Variants in POLA1 observed in about 807,000 individuals in gnomAD.
POLA1 encodes DNA polymerase alpha catalytic subunit.
In POLA1, 15 loss-of-function variants were observed where a neutral mutation model predicts 124.0. The ratio of observed to expected loss-of-function variants is 0.12; its 90% CI spans 0.08 to 0.19. The LOEUF is 0.19. POLA1 is among the 10% of genes least tolerant of loss of function. The pLI is 1.00. For synonymous variants in POLA1, 408 were observed against 389.4 expected (o/e 1.05, Z -0.56); for missense variants, 886 against 1,103.4 (o/e 0.80, Z 2.79).
intron 31 of POLA1, 45 bp from the exon 32 acceptor site, chrX:24,826,382 C>G: frequency 9.8e-7 from 1 of 1,022,038 alleles, no homozygotes; most frequent in Non-Finnish European, 1.3e-6. Flanking sequence ...CACAACTTTA[C>G]CTGTGTCTTC....
At chrX:24,777,640 A>C (rs1392314894) in intron 26 of POLA1, among the ~76,000 whole-genome samples, 1 of 112,363 alleles carries the variant, frequency 8.9e-6, no homozygotes, top group African/African-American at 3.2e-5. Flanking sequence ...TAAGAAGTAG[A>C]TATTTGCCTT....
intron 35 of POLA1, among the ~76,000 whole-genome samples, chrX:24,908,220 T>C (rs752486110): frequency 9.0e-6 from 1 of 111,326 alleles, no homozygotes; most frequent in South Asian, 3.9e-4. Flanking sequence ...TTTATTTTTA[T>C]TTTTTATTAT....
chrX:24,781,473 A>AGCAG lies in POLA1; in HGVS notation c.2965-28424_2965-28421dup, dbSNP rs11573399. On this transcript the variant is annotated intron_variant, in intron 26 of 36. Coordinates refer to ENST00000379068, the MANE Select transcript of POLA1 (RefSeq NM_001330360.2). Reference sequence around the variant, plus strand: ...GTGAAAGTGTGGAACTGGATAATTGAGCAGCACTGTTTATTCATTGTTGCC... The same window carrying AGCAG: ...GTGAAAGTGTGGAACTGGATAATTGAGCAGGCAGCACTGTTTATTCATTGTTGCC... Among the ~76,000 whole-genome samples, 339 of 112,022 alleles carry AGCAG rather than the reference A, an allele frequency of 3.0e-3. 1 individual carries two copies. The highest frequency in any genetic ancestry group is 0.01 in the African/African-American group (322 of 30,845).
intron 23 of POLA1, among the ~76,000 whole-genome samples, chrX:24,744,948 C>A: frequency 1.2e-5 from 1 of 82,392 alleles, no homozygotes; most frequent in East Asian, 3.7e-4. Flanking sequence ...GAGACTCTGA[C>A]TCAAAAAAAA....
intron 4 of POLA1, among the ~76,000 whole-genome samples, chrX:24,711,845 G>A (rs1242333222): frequency 9.9e-5 from 11 of 111,650 alleles, no homozygotes; most frequent in South Asian, 3.7e-4. Context: ...TGATCCACCC[G>A]CCTTGGCCTC....
intron 26 of POLA1, among the ~76,000 whole-genome samples, chrX:24,768,231 A>G (rs1602357482): frequency 1.8e-5 from 2 of 112,270 alleles, no homozygotes; most frequent in Non-Finnish European, 3.8e-5. Context: ...TTCCTTTTAT[A>G]TTTCCTCAGT....
intron 34 of POLA1, among the ~76,000 whole-genome samples, chrX:24,856,905 A>G (rs915800313): frequency 1.9e-5 from 2 of 108,061 alleles, no homozygotes; most frequent in Admixed American, 2.0e-4. Flanking sequence ...CCTTTGTTGG[A>G]TATGTGATTT....
At chrX:24,711,285 C>G (rs993041718) in intron 4 of POLA1, among the ~76,000 whole-genome samples, 1 of 112,569 alleles carries the variant, frequency 8.9e-6, no homozygotes, top group Non-Finnish European at 1.9e-5. Flanking sequence ...TGCCCGGCCC[C>G]TTTTCTTTCT....
At chrX:24,729,293 G>A (rs1205904544) in intron 15 of POLA1, among the ~76,000 whole-genome samples, 1 of 111,264 alleles carries the variant, frequency 9.0e-6, no homozygotes, top group African/African-American at 3.3e-5. Context: ...AGTAGCATCC[G>A]TCCCCTCTAG....
At chrX:24,882,272 T>C (rs1272583803) in intron 34 of POLA1, among the ~76,000 whole-genome samples, 1 of 112,234 alleles carries the variant, frequency 8.9e-6, no homozygotes, top group African/African-American at 3.2e-5. Context: ...CTTGCTCCTC[T>C]ACATTTTTAT....
At chrX:24,892,090 A>G (rs1391927514) in intron 35 of POLA1, among the ~76,000 whole-genome samples, 3 of 111,056 alleles carry the variant, frequency 2.7e-5, no homozygotes, top group South Asian at 7.6e-4. Flanking sequence ...AAGCCGGGAC[A>G]GTTTTTTTCT....
At chrX:24,744,212 T>C (rs1474064013) in intron 23 of POLA1, among the ~76,000 whole-genome samples, 4 of 112,713 alleles carry the variant, frequency 3.5e-5, no homozygotes, top group African/African-American at 6.4e-5. Context: ...AAAAGTGATT[T>C]TGTTATTAGT....
chrX:24,860,250 T>A, intron 34 of POLA1, among the ~76,000 whole-genome samples: 1 of 112,944 alleles, frequency 8.9e-6, no homozygotes, highest in South Asian at 3.6e-4. Flanking sequence ...CATGTGTATT[T>A]GTCTGGTTTT....
chrX:24,933,626 A>G (rs1463221214), intron 36 of POLA1, among the ~76,000 whole-genome samples: 2 of 112,245 alleles, frequency 1.8e-5, no homozygotes, highest in East Asian at 5.6e-4. Flanking sequence ...TCCTTCACTA[A>G]GATTGTTTTA....
At chrX:24,789,224 C>T (rs184102781) in intron 26 of POLA1, among the ~76,000 whole-genome samples, 50 of 111,556 alleles carry the variant, frequency 4.5e-4, no homozygotes, top group African/African-American at 1.6e-3. Flanking sequence ...AAACTGTTTG[C>T]AGATGACATC....
intron 13 of POLA1, among the ~76,000 whole-genome samples, chrX:24,726,397 T>C (rs1222543891): frequency 9.0e-6 from 1 of 111,306 alleles, no homozygotes. Flanking sequence ...GAGAGAGGAG[T>C]GTCAGTAGCA....
At chrX:24,732,601 T>G (rs2148373616) in intron 16 of POLA1, 147 bp downstream of exon 16, 4 of 323,926 alleles carry the variant, frequency 1.2e-5, no homozygotes, top group East Asian at 4.9e-5. Flanking sequence ...TTTTTTTTGT[T>G]TTTTTTTTTT....
At chrX:24,947,561 G>A (rs770434246) in intron 36 of POLA1, among the ~76,000 whole-genome samples, 73 of 110,950 alleles carry the variant, frequency 6.6e-4, no homozygotes, top group African/African-American at 1.3e-3. Context: ...AGGAGCCACC[G>A]CATCCAGCCA....
chrX:24,785,874 A>G (rs1254676583), intron 26 of POLA1, among the ~76,000 whole-genome samples: 1 of 111,625 alleles, frequency 9.0e-6, no homozygotes, highest in Non-Finnish European at 1.9e-5. Flanking sequence ...TCCACTCCCC[A>G]GACCCTGATA....
Sources: allele counts gnomAD v4.1 joint callset (sites outside exome capture counted in the v4.1 genomes callset), GRCh38; gene constraint gnomAD v4.1.1; transcripts MANE v1.5; gene names NCBI Gene and HGNC (gene_info 2026-07-23, HGNC 2026-07-21).